PLPP4: variants seen among roughly 807,000 people sequenced by gnomAD.
PLPP4 encodes phospholipid phosphatase 4, also known as diacylglycerol pyrophosphate like 2.
A neutral mutation model predicts 32.2 loss-of-function variants in PLPP4; 20 were observed. The ratio of observed to expected loss-of-function variants is 0.62; its 90% CI spans 0.44 to 0.90. The LOEUF (loss-of-function observed/expected upper bound fraction) is 0.90. Among genes scored for constraint, PLPP4 ranks in the 40% least tolerant of loss-of-function variants. The pLI, the probability that PLPP4 is intolerant of heterozygous loss-of-function variation, is 0.00. For missense variants in PLPP4, 257 were observed against 353.1 expected (o/e 0.73, Z 2.18); for synonymous variants, 127 against 133.0 (o/e 0.95, Z 0.31).
intron 1 of PLPP4, among the ~76,000 whole-genome samples, chr10:120,464,189 A>G (rs1848208928): frequency 6.6e-6 from 1 of 152,210 alleles, no homozygotes; most frequent in Admixed American, 6.5e-5. Context: ...CCTTCTGTTC[A>G]ATGGGAATGT....
At chr10:120,581,599 G>A (rs1017853787) in intron 6 of PLPP4, among the ~76,000 whole-genome samples, 126 of 152,104 alleles carry the variant, frequency 8.3e-4, no homozygotes, top group Admixed American at 2.4e-3. Flanking sequence ...TGATTGCATC[G>A]CTTGAGCTTC....
intron 6 of PLPP4, among the ~76,000 whole-genome samples, chr10:120,577,621 G>T (rs555216523): frequency 1.3e-5 from 2 of 152,180 alleles, no homozygotes; most frequent in Non-Finnish European, 2.9e-5. Context: ...CAAAGCAAGA[G>T]AATTTATGTT....
At chr10:120,496,217 A>G (rs1274443176) in intron 1 of PLPP4, among the ~76,000 whole-genome samples, 1 of 152,222 alleles carries the variant, frequency 6.6e-6, no homozygotes, top group Non-Finnish European at 1.5e-5. Flanking sequence ...CAAATCCATG[A>G]AATCTTTTAG....
At chr10:120,531,827 G>A in intron 5 of PLPP4, among the ~76,000 whole-genome samples, 1 of 148,386 alleles carries the variant, frequency 6.7e-6, no homozygotes, top group African/African-American at 2.5e-5. Flanking sequence ...ATATATATAT[G>A]TACACACACT....
intron 2 of PLPP4, among the ~76,000 whole-genome samples, chr10:120,508,636 T>C (rs1325874710): frequency 6.6e-6 from 1 of 152,208 alleles, no homozygotes; most frequent in African/African-American, 2.4e-5. Flanking sequence ...TGACTCACTT[T>C]CTGGGTGCAG....
At chr10:120,496,981 G>T (rs572109625) in intron 1 of PLPP4, among the ~76,000 whole-genome samples, 6 of 151,958 alleles carry the variant, frequency 3.9e-5, no homozygotes, top group African/African-American at 1.4e-4. Context: ...TATCTGTCAT[G>T]AGTCTAGATG....
At chr10:120,466,064 A>G (rs542178087) in intron 1 of PLPP4, among the ~76,000 whole-genome samples, 39 of 152,192 alleles carry the variant, frequency 2.6e-4, no homozygotes, top group African/African-American at 8.9e-4. Context: ...TGGGTTCTTC[A>G]TCAGAAGTTC....
At chr10:120,565,871 A>C (rs1474305315) in intron 5 of PLPP4, among the ~76,000 whole-genome samples, 1 of 151,832 alleles carries the variant, frequency 6.6e-6, no homozygotes, top group African/African-American at 2.4e-5. Context: ...ATTATTTTTC[A>C]TATGTCTTTT....
At chr10:120,573,730 A>G (rs879001736) in intron 5 of PLPP4, among the ~76,000 whole-genome samples, 1 of 152,208 alleles carries the variant, frequency 6.6e-6, no homozygotes, top group Admixed American at 6.5e-5. Context: ...TCTTATAAAG[A>G]CAATGAATGT....
At position 120,520,975 on chromosome 10, in the gene PLPP4, C is replaced by T. The variant is rs376996482; in HGVS notation, c.325C>T (p.Arg109Cys). The change falls in exon 5 of 7, where the codon CGC becomes TGC. Residue 109 changes from arginine (R) to cysteine (C), a missense_variant. Transcript: ENST00000398250. ...NTIKLIVGRPRPDFFYRCFPD... is the reference protein window; with the variant it reads ...NTIKLIVGRPCPDFFYRCFPD... ...TGTCCATGGTGTCTTTTGTAGACCTCGCCCCGATTTCTTTTACCGCTGCTT... is the reference window on the plus strand; with the variant it reads ...TGTCCATGGTGTCTTTTGTAGACCTTGCCCCGATTTCTTTTACCGCTGCTT... The T allele has an allele frequency of 1.7e-5, 27 of 1,613,850 alleles. No homozygotes were observed. Among genetic ancestry groups the T allele is most frequent in the Middle Eastern group, 1.6e-4 (1 of 6,082 alleles).
At chr10:120,470,566 A>T (rs184440075) in intron 1 of PLPP4, among the ~76,000 whole-genome samples, 2 of 152,074 alleles carry the variant, frequency 1.3e-5, no homozygotes, top group African/African-American at 4.8e-5. Flanking sequence ...CTTTAATTTT[A>T]ATTTGCTAAT....
At chr10:120,506,592 G>A (rs1163455966) in intron 2 of PLPP4, among the ~76,000 whole-genome samples, 1 of 152,140 alleles carries the variant, frequency 6.6e-6, no homozygotes, top group Non-Finnish European at 1.5e-5. Context: ...TTACCAAGGT[G>A]TTTTTTAAAG....
chr10:120,544,564 C>G (rs182553816), intron 5 of PLPP4, among the ~76,000 whole-genome samples: 2 of 152,184 alleles, frequency 1.3e-5, no homozygotes, highest in East Asian at 3.9e-4. Context: ...CTCTCCTGCT[C>G]CCCGGGCCTC....
chr10:120,470,423 A>G (rs1043985233), intron 1 of PLPP4, among the ~76,000 whole-genome samples: 2 of 152,176 alleles, frequency 1.3e-5, no homozygotes, highest in African/African-American at 4.8e-5. Context: ...ATTATTGTAT[A>G]CAAGTTTTAA....
intron 5 of PLPP4, among the ~76,000 whole-genome samples, chr10:120,538,340 A>G (rs1847160808): frequency 6.6e-6 from 1 of 151,770 alleles, no homozygotes; most frequent in Admixed American, 6.6e-5. Context: ...AAGGAAAATG[A>G]AACAGATCAT....
intron 1 of PLPP4, among the ~76,000 whole-genome samples, chr10:120,462,182 T>C (rs975385830): frequency 6.7e-6 from 1 of 148,266 alleles, no homozygotes; most frequent in Non-Finnish European, 1.5e-5. Flanking sequence ...GAGGCATATT[T>C]TGGGTGGAGA....
Position 120,503,939 on chromosome 10 carries a change from A to T in PLPP4, c.165+13A>T. Reference sequence around the variant, plus strand: ...CCGCCTCATGTTTGTAAGTACCATGATTTCATTCCTTATTTGACTGCTCTC... The same window carrying T: ...CCGCCTCATGTTTGTAAGTACCATGTTTTCATTCCTTATTTGACTGCTCTC... On this transcript the variant is annotated intron_variant, in intron 2 of 6. Coordinates refer to ENST00000398250, the MANE Select transcript of PLPP4 (RefSeq NM_001030059.3). The T allele has an allele frequency of 6.6e-7, 1 of 1,518,740 alleles. No individual in the cohort carries two copies. The highest frequency in any genetic ancestry group is 9.1e-7 in the Non-Finnish European group (1 of 1,094,436). The allele number at this position is 1,518,740 out of a possible 1,614,324, so 94.1% of individuals were successfully genotyped here.
intron 5 of PLPP4, among the ~76,000 whole-genome samples, chr10:120,536,528 C>T (rs1363006495): frequency 2.6e-5 from 4 of 151,900 alleles, no homozygotes; most frequent in Non-Finnish European, 5.9e-5. Flanking sequence ...ATATCATACA[C>T]AAAAATCAAT....
intron 6 of PLPP4, among the ~76,000 whole-genome samples, chr10:120,582,646 T>G (rs1241611762): frequency 6.6e-6 from 1 of 152,166 alleles, no homozygotes; most frequent in Non-Finnish European, 1.5e-5. Flanking sequence ...TTAATCATGT[T>G]CCTTTCTTAC....
Sources: allele counts gnomAD v4.1 joint callset (sites outside exome capture counted in the v4.1 genomes callset), GRCh38; gene constraint gnomAD v4.1.1; transcripts MANE v1.5; gene names NCBI Gene and HGNC (gene_info 2026-07-23, HGNC 2026-07-21).